Variants in LINGO2 observed in about 807,000 individuals in gnomAD.
The protein encoded by LINGO2 is leucine-rich repeat and immunoglobulin-like domain-containing nogo receptor-interacting protein 2.
LINGO2 carries 14 observed loss-of-function variants against 30.6 expected under a neutral mutation model. The observed-to-expected ratio is 0.46, with a 90% CI of 0.30 to 0.72. The LOEUF is 0.72. Ranked by LOEUF, LINGO2 falls within the 30% of genes least tolerant of loss-of-function variation. The probability of loss-of-function intolerance (pLI) is 0.07; values close to 1 mark genes in which losing one functional copy is unlikely to be tolerated. For missense variants in LINGO2, 729 were observed against 751.7 expected (o/e 0.97, Z 0.35); for synonymous variants, 317 against 288.5 (o/e 1.10, Z -1.00).
At chr9:28,262,643 G>C (rs1822604662) in intron 4 of LINGO2, among the ~76,000 whole-genome samples, 1 of 151,916 alleles carries the variant, frequency 6.6e-6, no homozygotes, top group Admixed American at 6.6e-5. Context: ...AACATTGTAA[G>C]AAATTAAAAT....
In LINGO2 at chr9:28,484,419, T is replaced by C. The variant is rs74727736; in HGVS notation, c.-364-8394A>G. On this transcript the variant is annotated intron_variant, in intron 1 of 5. Transcript: ENST00000379992. ...CTAGAACTATACAAAATACACAGAA[T>C]CCCAGTTTCATGAGGCAGCTCTTCA... Among the ~76,000 whole-genome samples the C allele has an allele frequency of 4.5e-3, 681 of 152,126 alleles. 4 individuals carry two copies. Among genetic ancestry groups the C allele is most frequent in the African/African-American group, 0.015 (637 of 41,524 alleles).
intron 3 of LINGO2, among the ~76,000 whole-genome samples, chr9:28,311,606 A>T (rs1346362053): frequency 2.0e-5 from 3 of 152,198 alleles, no homozygotes; most frequent in African/African-American, 7.2e-5. Flanking sequence ...CTTTTGAAAG[A>T]AGAGAAATAT....
Position 28,006,569 on chromosome 9 carries a change from G to C in LINGO2, c.-36+5786C>G, listed in dbSNP as rs547234270. Reference sequence around the variant, plus strand: ...AGAATTTTTTTATTAGGAAATCTAGGTTGGCCATGGAATGTAATTTTAATC... The same window carrying C: ...AGAATTTTTTTATTAGGAAATCTAGCTTGGCCATGGAATGTAATTTTAATC... On this transcript the variant is annotated intron_variant, in intron 5 of 5. Coordinates refer to ENST00000379992, the Ensembl canonical transcript of LINGO2. Among the ~76,000 whole-genome samples the C allele has an allele frequency of 2.6e-3, 388 of 152,102 alleles. 1 individual carries two copies. The highest frequency in any genetic ancestry group is 4.7e-3 in the Non-Finnish European group (322 of 67,958).
intron 4 of LINGO2, among the ~76,000 whole-genome samples, chr9:28,246,287 G>T (rs1821996279): frequency 6.6e-6 from 1 of 152,054 alleles, no homozygotes. Context: ...AGCCGGGCAT[G>T]GTGGTGTGTA....
At chr9:28,188,534 T>A (rs1463024930) in intron 4 of LINGO2, among the ~76,000 whole-genome samples, 3 of 152,046 alleles carry the variant, frequency 2.0e-5, no homozygotes, top group Non-Finnish European at 4.4e-5. Flanking sequence ...TGGGAAAAGC[T>A]CTGCTTCCGG....
At chr9:28,542,135 G>C (rs1470272860) in intron 1 of LINGO2, among the ~76,000 whole-genome samples, 1 of 152,122 alleles carries the variant, frequency 6.6e-6, no homozygotes, top group East Asian at 1.9e-4. Flanking sequence ...GCATCTGCTA[G>C]GGAACTCTGC....
intron 5 of LINGO2, among the ~76,000 whole-genome samples, chr9:27,985,586 A>C (rs1334426777): frequency 2.2e-5 from 3 of 134,198 alleles, no homozygotes; most frequent in African/African-American, 9.8e-5. Flanking sequence ...AATTAGCAAA[A>C]CACAAGAAAA....
At chr9:28,723,569 C>T in the LINGO2 span, among the ~76,000 whole-genome samples, 1 of 152,036 alleles carries the variant, frequency 6.6e-6, no homozygotes, top group African/African-American at 2.4e-5. Context: ...GTGACAGAAG[C>T]TGGGCCAATA....
the LINGO2 span, among the ~76,000 whole-genome samples, chr9:29,026,684 C>T: frequency 1.3e-5 from 2 of 152,050 alleles, no homozygotes; most frequent in East Asian, 3.9e-4. Context: ...TATTTGTATT[C>T]TTCCTTCTTT....
intron 1 of LINGO2, among the ~76,000 whole-genome samples, chr9:28,611,608 T>C (rs930179585): frequency 1.3e-5 from 2 of 152,298 alleles, no homozygotes; most frequent in South Asian, 4.1e-4. Flanking sequence ...TCATCTTTTT[T>C]AGATTTCATA....
chr9:28,637,173 T>G (rs1270599200), intron 1 of LINGO2, among the ~76,000 whole-genome samples: 1 of 152,174 alleles, frequency 6.6e-6, no homozygotes, highest in Non-Finnish European at 1.5e-5. Context: ...TCTGTTCCAT[T>G]GGTCTATATC....
chr9:27,956,817 A>G (rs758189824), intron 5 of LINGO2, among the ~76,000 whole-genome samples: 6 of 152,080 alleles, frequency 3.9e-5, no homozygotes, highest in Admixed American at 3.9e-4. Flanking sequence ...TTCTGGCCAG[A>G]TATGGTGGCT....
intron 1 of LINGO2, among the ~76,000 whole-genome samples, chr9:28,661,969 C>T (rs553521525): frequency 3.2e-4 from 49 of 152,130 alleles, no homozygotes; most frequent in Non-Finnish European, 6.2e-4. Flanking sequence ...AGCAGCATAA[C>T]TTAGTACTTT....
chr9:28,401,259 T>C (rs1015770133), intron 2 of LINGO2, among the ~76,000 whole-genome samples: 3 of 152,040 alleles, frequency 2.0e-5, no homozygotes, highest in African/African-American at 7.2e-5. Context: ...GCTGCACCTA[T>C]TGAGCCATCC....
chr9:29,026,852 C>T, the LINGO2 span, among the ~76,000 whole-genome samples: 1 of 152,152 alleles, frequency 6.6e-6, no homozygotes, highest in Non-Finnish European at 1.5e-5. Context: ...CTAAATTCCT[C>T]ATTCTATAAT....
At chr9:29,198,792 A>G in the LINGO2 span, among the ~76,000 whole-genome samples, 2 of 152,188 alleles carry the variant, frequency 1.3e-5, no homozygotes, top group South Asian at 2.1e-4. Flanking sequence ...ATTCTGTTCA[A>G]GAACAATGCA....
chr9:28,492,659 T>C (rs948820674), intron 1 of LINGO2, among the ~76,000 whole-genome samples: 1 of 152,074 alleles, frequency 6.6e-6, no homozygotes, highest in Non-Finnish European at 1.5e-5. Flanking sequence ...AGAAGATGCA[T>C]TGAAAGGTTT....
chr9:28,560,557 A>G (rs1271285736), intron 1 of LINGO2, among the ~76,000 whole-genome samples: 1 of 152,094 alleles, frequency 6.6e-6, no homozygotes, highest in African/African-American at 2.4e-5. Context: ...TCTTTTTTCT[A>G]AAGAATTATG....
intron 4 of LINGO2, among the ~76,000 whole-genome samples, chr9:28,045,735 T>A (rs868019945): frequency 6.6e-6 from 1 of 152,154 alleles, no homozygotes; most frequent in African/African-American, 2.4e-5. Flanking sequence ...GGTACTATGC[T>A]AAGCACTATG....
Sources: allele counts gnomAD v4.1 joint callset (sites outside exome capture counted in the v4.1 genomes callset), GRCh38; gene constraint gnomAD v4.1.1; transcripts MANE v1.5; gene names NCBI Gene and HGNC (gene_info 2026-07-23, HGNC 2026-07-21).